Variants in XIRP2 observed in about 807,000 individuals in gnomAD.
XIRP2 encodes the protein xin actin-binding repeat-containing protein 2.
A neutral mutation model predicts 277.0 loss-of-function variants in XIRP2; 236 were observed. That is an observed-to-expected ratio of 0.85 (90% confidence interval 0.77 to 0.95). The LOEUF (loss-of-function observed/expected upper bound fraction) is 0.95. Ranked by LOEUF, XIRP2 falls within the 40% of genes least tolerant of loss-of-function variation. XIRP2 has a pLI of 0.00. For missense variants in XIRP2, 4,640 were observed against 4,157.5 expected, an observed-to-expected ratio of 1.12 and a Z score of -3.19; for synonymous variants, 1,490 against 1,416.5, an observed-to-expected ratio of 1.05 and a Z score of -1.17.
chr2:167,012,651 C>A (rs1347956930), intron 2 of XIRP2, among the ~76,000 whole-genome samples: 1 of 151,506 alleles, frequency 6.6e-6, no homozygotes, highest in Non-Finnish European at 1.5e-5. Context: ...TTTTCCATGT[C>A]CTTGTAAAAT....
intron 3 of XIRP2, chr2:167,184,496 T>C (rs1223426764): frequency 1.4e-6 from 1 of 705,946 alleles, no homozygotes; most frequent in Non-Finnish European, 2.6e-6. Flanking sequence ...GTTGCTCCAG[T>C]CCCATGGAAT....
chr2:166,998,430 G>A (rs1262387693), intron 2 of XIRP2, among the ~76,000 whole-genome samples: 1 of 152,072 alleles, frequency 6.6e-6, no homozygotes, highest in Non-Finnish European at 1.5e-5. Context: ...AAGGTCAGGA[G>A]ATCGAGACCA....
chr2:167,248,495 C>G lies in XIRP2; in HGVS notation c.7103C>G (p.Pro2368Arg), dbSNP rs535662848. Residue 2368 changes from proline to arginine, a missense_variant, in exon 9 of 11, where the codon CCT (proline) becomes CGT (arginine). Coordinates refer to ENST00000409195, the MANE Select transcript of XIRP2 (RefSeq NM_152381.6). Reference protein sequence around the residue: ...ESSSMFLPPPPPPTPSQKPAH... With the variant: ...ESSSMFLPPPRPPTPSQKPAH... ...TCATCGATGTTTCTGCCGCCTCCTCCTCCTCCAACTCCATCTCAAAAGCCA... is the reference window on the plus strand; with the variant it reads ...TCATCGATGTTTCTGCCGCCTCCTCGTCCTCCAACTCCATCTCAAAAGCCA... 1.9e-6 allele frequency: 3 copies of G among 1,613,728 alleles called. No homozygotes were observed. The African/African-American group carries it at 4.0e-5, about 22-fold the overall frequency.
At chr2:166,953,947 T>C (rs1054942054) in intron 2 of XIRP2, among the ~76,000 whole-genome samples, 7 of 151,986 alleles carry the variant, frequency 4.6e-5, no homozygotes, top group Non-Finnish European at 1.0e-4. Context: ...TATGAATTAT[T>C]TTTCTAAGTT....
chr2:167,117,311 G>A (rs867901451), intron 2 of XIRP2, among the ~76,000 whole-genome samples: 8 of 151,766 alleles, frequency 5.3e-5, no homozygotes, highest in Non-Finnish European at 1.2e-4. Context: ...CCCACTCCCC[G>A]CCATACACAT....
At position 167,218,189 on chromosome 2, in the gene XIRP2, C is replaced by T. The variant is rs778378248; in HGVS notation, c.747C>T (p.Cys249=). The change falls in exon 5 of 11, where the codon TGC becomes TGT. Residue 249 remains cysteine (C), a synonymous_variant. Transcript: ENST00000409195. ...AGATGATGGAAGAATCAGAAATGTG[C>T]GCAGTGCCTGGTGGTTTGGCCAAGG... ...SANMMEESEM[C]AVPGGLAKVK... is the part of the protein sequence containing the mutation. 106 of 1,598,712 alleles carry T rather than the reference C, an allele frequency of 6.6e-5. 1 individual carries two copies. The highest frequency in any genetic ancestry group is 7.7e-5 in the Non-Finnish European group (90 of 1,173,530).
At chr2:167,021,114 G>A (rs546160452) in intron 2 of XIRP2, among the ~76,000 whole-genome samples, 4 of 152,028 alleles carry the variant, frequency 2.6e-5, no homozygotes, top group Admixed American at 6.6e-5. Flanking sequence ...GCTCTAATTC[G>A]TATGCTTCTA....
chr2:167,037,081 A>T (rs1688528603), intron 2 of XIRP2, among the ~76,000 whole-genome samples: 1 of 152,182 alleles, frequency 6.6e-6, no homozygotes, highest in African/African-American at 2.4e-5. Context: ...AAACAGACTA[A>T]TACAAGACCC....
intron 2 of XIRP2, among the ~76,000 whole-genome samples, chr2:166,998,181 C>T (rs776384069): frequency 4.6e-5 from 7 of 152,104 alleles, no homozygotes; most frequent in Non-Finnish European, 1.0e-4. Flanking sequence ...CTGCAATGAA[C>T]ATACGCATGC....
chr2:167,007,821 G>T (rs2105464789), intron 2 of XIRP2, among the ~76,000 whole-genome samples: 1 of 150,718 alleles, frequency 6.6e-6, no homozygotes, highest in Admixed American at 6.6e-5. Context: ...ATACAAAAAA[G>T]ACATGATCAA....
At chr2:167,181,372 G>T (rs6432981) in intron 3 of XIRP2, among the ~76,000 whole-genome samples, 15,022 of 152,180 alleles carry the variant, frequency 0.099, 795 homozygotes, top group South Asian at 0.16. Context: ...TGTGATTCAC[G>T]TTTGTTGCTC....
At chr2:167,126,050 A>G (rs7566346) in intron 2 of XIRP2, among the ~76,000 whole-genome samples, 7,054 of 152,220 alleles carry the variant, frequency 0.046, 243 homozygotes, top group African/African-American at 0.093. Context: ...GCTTCTCAAT[A>G]CGTGGTGATG....
intron 2 of XIRP2, among the ~76,000 whole-genome samples, chr2:167,082,368 C>A (rs1229235248): frequency 6.6e-6 from 1 of 151,870 alleles, no homozygotes; most frequent in South Asian, 2.1e-4. Context: ...GGGTTGGTTC[C>A]AAGTCTTTGC....
intron 4 of XIRP2, among the ~76,000 whole-genome samples, chr2:167,212,829 T>C (rs910226070): frequency 6.6e-6 from 1 of 152,046 alleles, no homozygotes; most frequent in Admixed American, 6.6e-5. Flanking sequence ...CTGGTAAATA[T>C]CTAAAGCAAA....
At chr2:167,173,032 T>A (rs982364703) in intron 3 of XIRP2, among the ~76,000 whole-genome samples, 3 of 152,228 alleles carry the variant, frequency 2.0e-5, no homozygotes, top group Non-Finnish European at 4.4e-5. Context: ...CAATTTATGT[T>A]CTTCTGACAT....
Position 167,247,560 on chromosome 2 carries a change from G to A in XIRP2, c.6168G>A (p.Leu2056=). Residue 2056 remains leucine, a synonymous_variant, in exon 9 of 11, where the codon TTG becomes TTA. Coordinates refer to ENST00000409195, the MANE Select transcript of XIRP2 (RefSeq NM_152381.6). Reference sequence around the variant, plus strand: ...ATTCACACCATAAATCTAATGTTTTGGAATCAGGAGACAAAACGGGTGTCT... The same window carrying A: ...ATTCACACCATAAATCTAATGTTTTAGAATCAGGAGACAAAACGGGTGTCT... The part of the protein sequence containing the change: ...LSNSHHKSNV[L]ESGDKTGVWT... 1 of 1,613,602 alleles carries A rather than the reference G, an allele frequency of 6.2e-7. No individual in the cohort carries two copies. Among genetic ancestry groups the A allele is most frequent in the South Asian group, 1.1e-5 (1 of 91,068 alleles).
intron 2 of XIRP2, among the ~76,000 whole-genome samples, chr2:166,908,942 T>C (rs1024169561): frequency 2.0e-5 from 3 of 152,182 alleles, no homozygotes; most frequent in Non-Finnish European, 4.4e-5. Flanking sequence ...TGTGCTATTA[T>C]TTCTGAGGGC....
chr2:167,148,389 AAAAG>A (rs1691917416), intron 3 of XIRP2, among the ~76,000 whole-genome samples: 1 of 125,936 alleles, frequency 7.9e-6, no homozygotes, highest in Non-Finnish European at 1.7e-5. Context: ...AAGAAAGAAG[AAAAG>A]AAAGAAAGAA....
rs912700415 is a variant in XIRP2, at chr2:167,142,945, G to T, written c.562+6883G>T. ...AGAAGGAAAGGAAGGAGGAAGGGAA[G>T]GAGGGAAGGATGAAGGGAGAGAGAA... On this transcript the variant is annotated intron_variant, in intron 3 of 10. Coordinates refer to ENST00000409195, the MANE Select transcript of XIRP2 (RefSeq NM_152381.6). 2.0e-5 allele frequency among the ~76,000 whole-genome samples: 3 copies of T among 152,044 alleles called. No individual in the cohort carries two copies. In the East Asian group the frequency reaches 5.8e-4, roughly 29 times the overall value.
Sources: gnomAD v4.1 joint callset for allele counts (sites outside exome capture counted in the v4.1 genomes callset) on GRCh38, gnomAD v4.1.1 for gene constraint, MANE v1.5 for transcripts, NCBI Gene and HGNC (gene_info 2026-07-23, HGNC 2026-07-21) for gene names.